DOCK1: variants seen among roughly 807,000 people sequenced by gnomAD.
DOCK1 encodes dedicator of cytokinesis 1, also known as dedicator of cytokinesis protein 1.
In DOCK1, 138 loss-of-function variants were observed where a neutral mutation model predicts 262.7. The observed-to-expected ratio is 0.53, with a 90% CI of 0.46 to 0.61. DOCK1 has a LOEUF of 0.61. Ranked by LOEUF, DOCK1 falls within the 20% of genes least tolerant of loss-of-function variation. DOCK1 has a pLI of 0.00. For synonymous variants in DOCK1, 866 were observed against 867.4 expected (o/e 1.00, Z 0.03); for missense variants, 1,908 against 2,370.7 (o/e 0.80, Z 4.05).
intron 29 of DOCK1, among the ~76,000 whole-genome samples, chr10:127,269,191 G>A (rs1373815337): frequency 6.6e-6 from 1 of 152,182 alleles, no homozygotes; most frequent in Non-Finnish European, 1.5e-5. Context: ...GGGAATAAAT[G>A]AGAAAGCGCA....
chr10:126,969,612 T>C (rs2037941785), intron 1 of DOCK1, among the ~76,000 whole-genome samples: 1 of 152,098 alleles, frequency 6.6e-6, no homozygotes, highest in Admixed American at 6.5e-5. Context: ...AGTTAAAAGA[T>C]CAAACACAGA....
chr10:127,404,409 G>A lies in DOCK1; in HGVS notation c.4102G>A (p.Gly1368Arg). 6.2e-7 allele frequency: 1 copy of A among 1,613,656 alleles called. No homozygotes were observed. ...TTTTGCTGTTGGCTACTACGGACAA[G>A]GGTTCCCCACATTCCTGCGGGTAAA... ...DYFAVGYYGQGFPTFLRGKVF... is the reference protein window; with the variant it reads ...DYFAVGYYGQRFPTFLRGKVF... The change falls in exon 40 of 52, where the codon GGG becomes AGG. Residue 1368 changes from glycine to arginine, a missense_variant. By Grantham distance (125) the Gly-to-Arg change is moderately radical (BLOSUM62 -2). Transcript: ENST00000623213.
At chr10:126,971,573 C>A (rs997655433) in intron 2 of DOCK1, among the ~76,000 whole-genome samples, 1 of 152,032 alleles carries the variant, frequency 6.6e-6, no homozygotes, top group African/African-American at 2.4e-5. Context: ...CATGCTGCCA[C>A]ACTCAGCTAA....
rs58798747 is a variant in DOCK1 at position 127,309,294 on chromosome 10, T to A, written c.3045-29712T>A. On this transcript the variant is annotated intron_variant, in intron 29 of 51. Coordinates refer to ENST00000623213, the MANE Select transcript of DOCK1 (RefSeq NM_001290223.2). ...ACTTTTTGATGGGGTTGTTCATTTT[T>A]TTCTTGTAAATTTGCTTAACTTCCT... Among the ~76,000 whole-genome samples the A allele has an allele frequency of 8.0e-3, 1,225 of 152,292 alleles. 35 individuals are homozygous for A. The East Asian group carries it at 0.11, about 13-fold the overall frequency.
intron 19 of DOCK1, among the ~76,000 whole-genome samples, chr10:127,041,809 CATGATAGATCAG>C (rs1255244609): frequency 1.3e-5 from 2 of 152,168 alleles, no homozygotes; most frequent in African/African-American, 4.8e-5. Flanking sequence ...AATGAGTAAT[CATGATAGATCAG>C]TACTTCATCA....
intron 33 of DOCK1, among the ~76,000 whole-genome samples, chr10:127,362,540 A>C (rs1007788859): frequency 3.9e-5 from 6 of 152,172 alleles, no homozygotes; most frequent in African/African-American, 1.4e-4. Context: ...ATCAAATGTT[A>C]TGTGTTACAT....
intron 29 of DOCK1, among the ~76,000 whole-genome samples, chr10:127,309,878 CTT>C (rs1213688949): frequency 2.1e-4 from 29 of 141,252 alleles, no homozygotes; most frequent in Admixed American, 1.4e-4. Context: ...ATACCATGTT[CTT>C]TTTTTTTTTT....
At chr10:127,234,448 A>G (rs1564922941) in intron 27 of DOCK1, among the ~76,000 whole-genome samples, 2 of 152,276 alleles carry the variant, frequency 1.3e-5, no homozygotes, top group East Asian at 3.9e-4. Flanking sequence ...ACACAAAAAT[A>G]AAAGGAGCTG....
chr10:127,293,291 C>A (rs576074011), intron 29 of DOCK1, among the ~76,000 whole-genome samples: 63 of 152,318 alleles, frequency 4.1e-4, no homozygotes, highest in African/African-American at 1.4e-3. Flanking sequence ...GATGTGCAAT[C>A]TGTTATCTCA....
chr10:127,072,335 C>T (rs1204108244), intron 23 of DOCK1, among the ~76,000 whole-genome samples: 1 of 152,184 alleles, frequency 6.6e-6, no homozygotes, highest in Non-Finnish European at 1.5e-5. Flanking sequence ...CAGATACGCT[C>T]TGTATTCTCA....
intron 1 of DOCK1, among the ~76,000 whole-genome samples, chr10:126,927,805 C>T (rs970329523): frequency 6.6e-6 from 1 of 152,178 alleles, no homozygotes; most frequent in Non-Finnish European, 1.5e-5. Flanking sequence ...CGACACCCTC[C>T]CTAGGCGTTA....
intron 27 of DOCK1, among the ~76,000 whole-genome samples, chr10:127,186,023 A>T (rs569023451): frequency 1.3e-5 from 2 of 152,332 alleles, no homozygotes; most frequent in East Asian, 3.9e-4. Flanking sequence ...TAATTAAAAA[A>T]TCTCAATAGC....
At chr10:127,117,882 A>G (rs547195231) in intron 25 of DOCK1, among the ~76,000 whole-genome samples, 3 of 152,290 alleles carry the variant, frequency 2.0e-5, no homozygotes, top group African/African-American at 7.2e-5. Context: ...AGCCTGGGAC[A>G]GTGGAAAGAG....
chr10:127,347,725 C>T (rs1486311369), intron 31 of DOCK1, among the ~76,000 whole-genome samples: 6 of 151,198 alleles, frequency 4.0e-5, no homozygotes, highest in Non-Finnish European at 8.8e-5. Flanking sequence ...GGAGCCATGA[C>T]ACACCCACTT....
intron 42 of DOCK1, 106 bp downstream of exon 42, chr10:127,409,497 C>A: frequency 8.2e-7 from 1 of 1,217,862 alleles, no homozygotes; most frequent in South Asian, 1.3e-5. Context: ...GCCATGGATT[C>A]GCTTTCCAAA....
At chr10:127,199,900 T>C (rs1177593409) in intron 27 of DOCK1, among the ~76,000 whole-genome samples, 1 of 152,204 alleles carries the variant, frequency 6.6e-6, no homozygotes, top group Non-Finnish European at 1.5e-5. Context: ...CCAGTGTATC[T>C]GTCAGTGTGA....
In DOCK1 at chr10:126,948,494, G is replaced by T. The variant is rs1010838265; in HGVS notation, c.47-22208G>T. ...GATGTTGCTGGTGAGGGTGATGAAG[G>T]TGGTAATACTGTCCAGCCGGGCCTT... On this transcript the variant is annotated intron_variant, in intron 1 of 51. Transcript: ENST00000623213. 6.6e-5 allele frequency among the ~76,000 whole-genome samples: 10 copies of T among 151,700 alleles called. 1 individual carries two copies. The highest frequency in any genetic ancestry group is 6.2e-4 in the South Asian group (3 of 4,804).
intron 44 of DOCK1, among the ~76,000 whole-genome samples, 178 bp from the exon 45 acceptor site, chr10:127,418,187 T>C (rs1253133811): frequency 6.6e-6 from 1 of 150,708 alleles, no homozygotes; most frequent in Non-Finnish European, 1.5e-5. Context: ...TCCTTTGGAA[T>C]TTTCATCTCT....
chr10:127,057,220 A>G (rs1796957082), intron 22 of DOCK1, among the ~76,000 whole-genome samples: 2 of 152,334 alleles, frequency 1.3e-5, no homozygotes, highest in Admixed American at 6.5e-5. Flanking sequence ...TACCTGCAGC[A>G]TGTTTATTAC....
Sources: gnomAD v4.1 joint callset for allele counts (sites outside exome capture counted in the v4.1 genomes callset) on GRCh38, gnomAD v4.1.1 for gene constraint, MANE v1.5 for transcripts, NCBI Gene and HGNC (gene_info 2026-07-23, HGNC 2026-07-21) for gene names.